The following TNFRSF13C variants were observed in gnomAD, a reference collection of about 807,000 sequenced individuals.
TNFRSF13C encodes TNF receptor superfamily member 13C, also known as tumor necrosis factor receptor superfamily member 13C.
TNFRSF13C carries 7 observed loss-of-function variants against 12.1 expected under a neutral mutation model. The ratio of observed to expected loss-of-function variants is 0.58; its 90% CI spans 0.33 to 1.08. The LOEUF is 1.08. TNFRSF13C is among the 50% of genes least tolerant of loss of function. The probability of loss-of-function intolerance (pLI) is 0.04; values close to 1 mark genes in which losing one functional copy is unlikely to be tolerated. For missense variants in TNFRSF13C, 260 were observed against 265.9 expected (o/e 0.98, Z 0.15); for synonymous variants, 157 against 130.8 (o/e 1.20, Z -1.37).
In TNFRSF13C at chr22:41,926,431, A is replaced by AGGGAC; in HGVS notation, c.137-105_137-101dup. On this transcript the variant is annotated intron_variant, in intron 1 of 2. Transcript: ENST00000291232. This position sits in a 1 kb window ranked among gnomAD's most constrained non-coding sequence, Gnocchi z 4.9. Reference sequence around the variant, plus strand: ...GGGGGCGAGGCTGGCCGGGGAGGGGAGGGACAGCCGGGGGGCGGTGGACAA... The same window carrying AGGGAC: ...GGGGGCGAGGCTGGCCGGGGAGGGGAGGGACGGGACAGCCGGGGGGCGGTGGACAA... 2 of 337,908 alleles carry AGGGAC rather than the reference A, an allele frequency of 5.9e-6. No individual in the cohort carries two copies. The highest frequency in any genetic ancestry group is 8.2e-6 in the Non-Finnish European group (2 of 243,378). 20.9% of individuals were successfully genotyped at this position (337,908 alleles called of 1,614,324 possible).
In TNFRSF13C at chr22:41,923,664, C is replaced by A. The variant is rs1466497231; in HGVS notation, c.*1703G>T. The A allele has an allele frequency of 6.6e-6, 1 of 152,286 alleles. No homozygotes were observed. Among genetic ancestry groups the A allele is most frequent in the African/African-American group, 2.4e-5 (1 of 41,444 alleles). The allele number at this position is 152,286 out of a possible 1,614,324, so 9.4% of individuals were successfully genotyped here. A position where few individuals can be genotyped will look rare whatever the true frequency, so the allele number is the denominator to read the frequency against. On this transcript the variant is annotated 3_prime_UTR_variant, in exon 3 of 3. Coordinates refer to ENST00000291232, the MANE Select transcript of TNFRSF13C (RefSeq NM_052945.4). ...CTGCCCTGGCCTCTACACAAAGGAG[C>A]CTCCTGTAGGTCCCAGCCCTTCCAT... is the stretch of plus-strand genomic sequence containing the variant.
In TNFRSF13C at chr22:41,922,706, C is replaced by G. The variant is rs1433787431; in HGVS notation, c.*2661G>C. 3.1e-5 allele frequency: 4 copies of G among 130,254 alleles called. No homozygotes were observed. The highest frequency in any genetic ancestry group is 6.5e-5 in the Non-Finnish European group (4 of 61,788). The allele number at this position is 130,254 out of a possible 1,614,324, so 8.1% of individuals were successfully genotyped here. ...GGGTGGCCAGGAGAAGATGGGGTGG[C>G]CAGGAGAAGATGGGGTGGGAGATGG... On this transcript the variant is annotated 3_prime_UTR_variant, in exon 3 of 3. Transcript: ENST00000291232.
chr22:41,926,795 G>T lies in TNFRSF13C; in HGVS notation c.-22C>A. 1.5e-6 allele frequency: 2 copies of T among 1,311,102 alleles called. No homozygotes were observed. The highest frequency in any genetic ancestry group is 1.5e-5 in the African/African-American group (1 of 64,964). The allele number at this position is 1,311,102 out of a possible 1,614,324, so 81.2% of individuals were successfully genotyped here. On this transcript the variant is annotated 5_prime_UTR_variant, in exon 1 of 3. Transcript: ENST00000291232. This position sits in a 1 kb window ranked among gnomAD's most constrained non-coding sequence, Gnocchi z 4.9. ...TCATGGTGCCGACGCCGCCGCACAAGCTGCGGGGACTGAGGCTGAGCTGGG... is the reference window on the plus strand; with the variant it reads ...TCATGGTGCCGACGCCGCCGCACAATCTGCGGGGACTGAGGCTGAGCTGGG...
rs1375012927 is a variant in TNFRSF13C, at chr22:41,924,496, A to C, written c.*871T>G. The C allele has an allele frequency of 6.6e-6, 1 of 151,352 alleles. No homozygotes were observed. The highest frequency in any genetic ancestry group is 2.4e-5 in the African/African-American group (1 of 41,128). 9.4% of individuals were successfully genotyped at this position (151,352 alleles called of 1,614,324 possible). On this transcript the variant is annotated 3_prime_UTR_variant, in exon 3 of 3. Coordinates refer to ENST00000291232, the MANE Select transcript of TNFRSF13C (RefSeq NM_052945.4). The stretch of plus-strand genomic sequence containing the variant: ...GAGCGAGACTCTGTCTCAAAAAAAA[A>C]AAAAAAAAAAAAATTAGCTGGGCAA...
rs1435687857 is a variant in TNFRSF13C at position 41,925,191 on chromosome 22, A to G, written c.*176T>C. 3 of 709,854 alleles carry G rather than the reference A, an allele frequency of 4.2e-6. No individual in the cohort carries two copies. Among genetic ancestry groups the G allele is most frequent in the Non-Finnish European group, 6.8e-6 (3 of 441,686 alleles). 44.0% of individuals were successfully genotyped at this position (709,854 alleles called of 1,614,324 possible). On this transcript the variant is annotated 3_prime_UTR_variant, in exon 3 of 3. Transcript: ENST00000291232. ...GTGAGGTCTGAAGCCAAAGGCAAGC[A>G]CACCAAACTCCATGGGGGCTGAATG...
At position 41,925,322 on chromosome 22, in the gene TNFRSF13C, G is replaced by T; in HGVS notation, c.*45C>A. The stretch of plus-strand genomic sequence containing the variant: ...GAATTTGATTTCCAAGCCCCTGGCT[G>T]GGGGTCCAGAGGGAGGGCAGGGGCC... On this transcript the variant is annotated 3_prime_UTR_variant, in exon 3 of 3. Coordinates refer to ENST00000291232, the MANE Select transcript of TNFRSF13C (RefSeq NM_052945.4). 1 of 1,557,954 alleles carries T rather than the reference G, an allele frequency of 6.4e-7. No homozygotes were observed. The highest frequency in any genetic ancestry group is 1.1e-5 in the South Asian group (1 of 87,790).
At position 41,926,266 on chromosome 22, in the gene TNFRSF13C, C is replaced by T. The variant is rs756436527; in HGVS notation, c.202G>A (p.Gly68Ser). 5 of 1,495,064 alleles carry T rather than the reference C, an allele frequency of 3.3e-6. No homozygotes were observed. The highest frequency in any genetic ancestry group is 2.7e-5 in the East Asian group (1 of 36,578). The allele number at this position is 1,495,064 out of a possible 1,614,324, so 92.6% of individuals were successfully genotyped here. A position where few individuals can be genotyped will look rare whatever the true frequency, so the allele number is the denominator to read the frequency against. Residue 68 changes from glycine to serine, a missense_variant, in exon 2 of 3, where the codon GGC (glycine) becomes AGC (serine). Gly to Ser is a moderately conservative substitution (Grantham distance 56). Transcript: ENST00000291232. The surrounding 1 kb of genome is among the most constrained non-coding windows in gnomAD (Gnocchi z 4.9). ...QPQESVGAGA[G>S]EAALPLPGLL... ...CCGGGCAGGGGCAGCGCCGCCTCGC[C>T]GGCCCCCGCGCCCACCGACTCCTGC...
In TNFRSF13C at chr22:41,926,804, A is replaced by G; in HGVS notation, c.-31T>C. 1 of 1,298,808 alleles carries G rather than the reference A, an allele frequency of 7.7e-7. No individual in the cohort carries two copies. Among genetic ancestry groups the G allele is most frequent in the Non-Finnish European group, 9.7e-7 (1 of 1,025,956 alleles). The allele number at this position is 1,298,808 out of a possible 1,614,324, so 80.5% of individuals were successfully genotyped here. On this transcript the variant is annotated 5_prime_UTR_variant, in exon 1 of 3. Transcript: ENST00000291232. The surrounding 1 kb of genome is among the most constrained non-coding windows in gnomAD (Gnocchi z 4.9). The stretch of plus-strand genomic sequence containing the variant: ...CGACGCCGCCGCACAAGCTGCGGGG[A>G]CTGAGGCTGAGCTGGGCTCCGGGGC...
In TNFRSF13C at chr22:41,926,012, C is replaced by A. The variant is rs73165134; in HGVS notation, c.367+89G>T. Reference sequence around the variant, plus strand: ...TTCCCCTTAAAGCCCTTCTCTCCCCCTCAGGGGCCATGCATCTCCCCCTAG... The same window carrying A: ...TTCCCCTTAAAGCCCTTCTCTCCCCATCAGGGGCCATGCATCTCCCCCTAG... On this transcript the variant is annotated intron_variant, in intron 2 of 2. Transcript: ENST00000291232. This position sits in a 1 kb window ranked among gnomAD's most constrained non-coding sequence, Gnocchi z 4.9. 23 of 1,540,448 alleles carry A rather than the reference C, an allele frequency of 1.5e-5. No homozygotes were observed. Among genetic ancestry groups the A allele is most frequent in the Admixed American group, 3.5e-5 (2 of 56,654 alleles).
rs1237549077 is a variant in TNFRSF13C, at chr22:41,925,449, C to T, written c.473G>A (p.Gly158Asp). The T allele has an allele frequency of 1.2e-6, 2 of 1,612,346 alleles. No homozygotes were observed. Among genetic ancestry groups the T allele is most frequent in the Non-Finnish European group, 1.7e-6 (2 of 1,179,964 alleles). The change falls in exon 3 of 3, where the codon GGC becomes GAC. Residue 158 changes from glycine (G) to aspartate (D), a missense_variant. By Grantham distance (94) the Gly-to-Asp change is moderately conservative. Transcript: ENST00000291232. ...TGTGGCTGGCACAGGGACACTGTGG[C>T]CAGGTGGGGTGGTTCCTGGGTCTTC... ...PGEDPGTTPPGHSVPVPATEL... is the reference protein window; with the variant it reads ...PGEDPGTTPPDHSVPVPATEL...
rs930168646 is a variant in TNFRSF13C, at chr22:41,924,918, C to T, written c.*449G>A. Reference sequence around the variant, plus strand: ...AGTGAGGCGAGATCGCGCCACTGTACTCCAGCCTGGCGACAGAGCAAGACT... The same window carrying T: ...AGTGAGGCGAGATCGCGCCACTGTATTCCAGCCTGGCGACAGAGCAAGACT... On this transcript the variant is annotated 3_prime_UTR_variant, in exon 3 of 3. Coordinates refer to ENST00000291232, the MANE Select transcript of TNFRSF13C (RefSeq NM_052945.4). 5 of 131,132 alleles carry T rather than the reference C, an allele frequency of 3.8e-5. No individual in the cohort carries two copies. Among genetic ancestry groups the T allele is most frequent in the Non-Finnish European group, 7.4e-5 (5 of 67,554 alleles). 8.1% of individuals were successfully genotyped at this position (131,132 alleles called of 1,614,324 possible). A position where few individuals can be genotyped will look rare whatever the true frequency, so the allele number is the denominator to read the frequency against.
At chr22:41,925,882 A>C (rs1288644184) in intron 2 of TNFRSF13C, among the ~76,000 whole-genome samples, 1 of 152,106 alleles carries the variant, frequency 6.6e-6, no homozygotes, top group Non-Finnish European at 1.5e-5. Flanking sequence ...GGGGTCTGTC[A>C]GGGCAGAGCT....
Position 41,926,311 on chromosome 22 carries a change from G to A in TNFRSF13C, c.157C>T (p.Pro53Ser), listed in dbSNP as rs779354629. The A allele has an allele frequency of 1.4e-6, 2 of 1,444,196 alleles. No homozygotes were observed. The highest frequency in any genetic ancestry group is 1.5e-5 in the African/African-American group (1 of 66,988). 89.5% of individuals were successfully genotyped at this position (1,444,196 alleles called of 1,614,324 possible). A position where few individuals can be genotyped will look rare whatever the true frequency, so the allele number is the denominator to read the frequency against. The change falls in exon 2 of 3, where the codon CCC becomes TCC. Residue 53 changes from proline to serine, a missense_variant. Transcript: ENST00000291232. The surrounding 1 kb of genome is among the most constrained non-coding windows in gnomAD (Gnocchi z 4.9). Reference protein sequence around the residue: ...PKPAGASSPAPRTALQPQESV... With the variant: ...PKPAGASSPASRTALQPQESV... ...TCCTGCGGCTGCAGCGCCGTCCTGGGCGCAGGGCTGCTGGCCCCGGCTGCT... is the reference window on the plus strand; with the variant it reads ...TCCTGCGGCTGCAGCGCCGTCCTGGACGCAGGGCTGCTGGCCCCGGCTGCT...
In TNFRSF13C at chr22:41,925,326, G is replaced by C; in HGVS notation, c.*41C>G. 6.4e-7 allele frequency: 1 copy of C among 1,569,912 alleles called. No homozygotes were observed. The highest frequency in any genetic ancestry group is 8.6e-7 in the Non-Finnish European group (1 of 1,162,442). On this transcript the variant is annotated 3_prime_UTR_variant, in exon 3 of 3. Transcript: ENST00000291232. ...TTGATTTCCAAGCCCCTGGCTGGGG[G>C]TCCAGAGGGAGGGCAGGGGCCACCT...
In TNFRSF13C at chr22:41,922,888, T is replaced by A. The variant is rs2077612771; in HGVS notation, c.*2479A>T. 1 of 152,474 alleles carries A rather than the reference T, an allele frequency of 6.6e-6. No homozygotes were observed. The highest frequency in any genetic ancestry group is 1.5e-5 in the Non-Finnish European group (1 of 68,262). The allele number at this position is 152,474 out of a possible 1,614,324, so 9.4% of individuals were successfully genotyped here. ...CAGGAGCAGCTCAGACTCCCCCAAC[T>A]CCAGATGGAAGGGGAGTGGATGGCT... On this transcript the variant is annotated 3_prime_UTR_variant, in exon 3 of 3. Coordinates refer to ENST00000291232, the MANE Select transcript of TNFRSF13C (RefSeq NM_052945.4).
rs2077631904 is a variant in TNFRSF13C at position 41,926,407 on chromosome 22, G to C, written c.137-76C>G. ...GAGCGGGGACGGGGAGGGGCGGAGG[G>C]GGGCGAGGCTGGCCGGGGAGGGGAG... On this transcript the variant is annotated intron_variant, in intron 1 of 2. Coordinates refer to ENST00000291232, the MANE Select transcript of TNFRSF13C (RefSeq NM_052945.4). The surrounding 1 kb of genome is among the most constrained non-coding windows in gnomAD (Gnocchi z 4.9). The C allele has an allele frequency of 4.9e-6, 6 of 1,233,324 alleles. No individual in the cohort carries two copies. Among genetic ancestry groups the C allele is most frequent in the Non-Finnish European group, 6.3e-6 (6 of 958,568 alleles). The allele number at this position is 1,233,324 out of a possible 1,614,324, so 76.4% of individuals were successfully genotyped here. A position where few individuals can be genotyped will look rare whatever the true frequency, so the allele number is the denominator to read the frequency against.
In TNFRSF13C at chr22:41,926,581, C is replaced by T. The variant is rs1003280066; in HGVS notation, c.136+57G>A. ...GGGGCTCTGCCTGCGCCCTGGCGATCGGGGCCCCGTTCTCCCCGCAGCTGC... is the reference window on the plus strand; with the variant it reads ...GGGGCTCTGCCTGCGCCCTGGCGATTGGGGCCCCGTTCTCCCCGCAGCTGC... On this transcript the variant is annotated intron_variant, in intron 1 of 2. Transcript: ENST00000291232. This position sits in a 1 kb window ranked among gnomAD's most constrained non-coding sequence, Gnocchi z 4.9. 50 of 1,366,394 alleles carry T rather than the reference C, an allele frequency of 3.7e-5. No homozygotes were observed. The highest frequency in any genetic ancestry group is 4.5e-5 in the Non-Finnish European group (48 of 1,065,448). The allele number at this position is 1,366,394 out of a possible 1,614,324, so 84.6% of individuals were successfully genotyped here.
At position 41,926,487 on chromosome 22, in the gene TNFRSF13C, C is replaced by T; in HGVS notation, c.136+151G>A. The T allele has an allele frequency of 8.8e-7, 1 of 1,137,192 alleles. No individual in the cohort carries two copies. 70.4% of individuals were successfully genotyped at this position (1,137,192 alleles called of 1,614,324 possible). A position where few individuals can be genotyped will look rare whatever the true frequency, so the allele number is the denominator to read the frequency against. Reference sequence around the variant, plus strand: ...GGGAGAGAGGCGGCGGTGAGGGCCACGCGGTGATCGCGGGCCCCTCCAGGC... The same window carrying T: ...GGGAGAGAGGCGGCGGTGAGGGCCATGCGGTGATCGCGGGCCCCTCCAGGC... On this transcript the variant is annotated intron_variant, in intron 1 of 2. Coordinates refer to ENST00000291232, the MANE Select transcript of TNFRSF13C (RefSeq NM_052945.4). The surrounding 1 kb of genome is among the most constrained non-coding windows in gnomAD (Gnocchi z 4.9).
Position 41,922,972 on chromosome 22 carries a change from C to T in TNFRSF13C, c.*2395G>A, listed in dbSNP as rs2077613074. On this transcript the variant is annotated 3_prime_UTR_variant, in exon 3 of 3. Transcript: ENST00000291232. ...CCCACACCTACTGCTTGTCACTTGA[C>T]CTCACCCTGTCACCTGGCTCCCTGG... The T allele has an allele frequency of 6.6e-6, 1 of 152,406 alleles. No homozygotes were observed. Among genetic ancestry groups the T allele is most frequent in the South Asian group, 2.1e-4 (1 of 4,836 alleles). The allele number at this position is 152,406 out of a possible 1,614,324, so 9.4% of individuals were successfully genotyped here.
Sources: allele counts gnomAD v4.1 joint callset (sites outside exome capture counted in the v4.1 genomes callset), GRCh38; gene constraint gnomAD v4.1.1; non-coding constraint Gnocchi (gnomAD v3.1); transcripts MANE v1.5; gene names NCBI Gene and HGNC (gene_info 2026-07-23, HGNC 2026-07-21).